PDE4B: variants seen among roughly 807,000 people sequenced by gnomAD.
PDE4B encodes 3',5'-cyclic-AMP phosphodiesterase 4B.
A neutral mutation model predicts 82.2 loss-of-function variants in PDE4B; 20 were observed. That is an observed-to-expected ratio of 0.24 (90% confidence interval 0.17 to 0.35). PDE4B has a LOEUF of 0.35. Ranked by LOEUF, PDE4B falls within the 10% of genes least tolerant of loss-of-function variation. The probability of loss-of-function intolerance (pLI) is 1.00; values close to 1 mark genes in which losing one functional copy is unlikely to be tolerated. For synonymous variants in PDE4B, 320 were observed against 318.9 expected (o/e 1.00, Z -0.04); for missense variants, 655 against 907.2 (o/e 0.72, Z 3.57).
chr1:66,202,743 C>G (rs570872858), intron 3 of PDE4B, among the ~76,000 whole-genome samples: 1 of 152,034 alleles, frequency 6.6e-6, no homozygotes, highest in Non-Finnish European at 1.5e-5. Flanking sequence ...ACGTGTGTCT[C>G]GGCACGTGAG....
chr1:65,829,328 G>T (rs897913795), intron 1 of PDE4B, among the ~76,000 whole-genome samples: 1 of 152,082 alleles, frequency 6.6e-6, no homozygotes, highest in African/African-American at 2.4e-5. Flanking sequence ...TACCAGATTT[G>T]AAAGAGATAG....
chr1:65,880,330 T>C (rs561878672), intron 1 of PDE4B, among the ~76,000 whole-genome samples: 71 of 152,318 alleles, frequency 4.7e-4, no homozygotes, highest in African/African-American at 1.6e-3. Context: ...TAGAAAAGTA[T>C]TTCCATGCTT....
chr1:66,177,646 G>C (rs1472690928), intron 3 of PDE4B, among the ~76,000 whole-genome samples: 1 of 152,178 alleles, frequency 6.6e-6, no homozygotes, highest in Non-Finnish European at 1.5e-5. Context: ...TAAGCTGCAG[G>C]CAGGAAAAGT....
At chr1:65,944,809 G>C (rs1291843171) in intron 3 of PDE4B, among the ~76,000 whole-genome samples, 1 of 151,816 alleles carries the variant, frequency 6.6e-6, no homozygotes, top group African/African-American at 2.4e-5. Context: ...TTTCCCCATA[G>C]GCCCTATGAA....
intron 3 of PDE4B, among the ~76,000 whole-genome samples, chr1:66,068,669 A>G (rs573178438): frequency 6.6e-6 from 1 of 152,028 alleles, no homozygotes; most frequent in South Asian, 2.1e-4. Flanking sequence ...TCATTTAAAT[A>G]TAATCGCTCA....
chr1:66,071,457 C>T (rs1197248965), intron 3 of PDE4B, among the ~76,000 whole-genome samples: 1 of 152,070 alleles, frequency 6.6e-6, no homozygotes, highest in African/African-American at 2.4e-5. Flanking sequence ...TTAAAGTTCC[C>T]TTTGAAGAGT....
In PDE4B at chr1:66,374,478, T is replaced by G. The variant is rs951958173; in HGVS notation, c.*1800T>G. On this transcript the variant is annotated 3_prime_UTR_variant, in exon 17 of 17. Coordinates refer to ENST00000341517, the MANE Select transcript of PDE4B (RefSeq NM_002600.4). Reference sequence around the variant, plus strand: ...TGGACATTTTATCATTTTCAAATGTTTCTCACAATGTATGTTATAGTATTA... The same window carrying G: ...TGGACATTTTATCATTTTCAAATGTGTCTCACAATGTATGTTATAGTATTA... The G allele has an allele frequency of 6.6e-6, 1 of 152,670 alleles. No individual in the cohort carries two copies. Among genetic ancestry groups the G allele is most frequent in the Non-Finnish European group, 1.5e-5 (1 of 68,042 alleles). 9.5% of individuals were successfully genotyped at this position (152,670 alleles called of 1,614,324 possible). A position where few individuals can be genotyped will look rare whatever the true frequency, so the allele number is the denominator to read the frequency against.
chr1:65,943,758 A>G (rs574005514), intron 3 of PDE4B, among the ~76,000 whole-genome samples: 1 of 151,964 alleles, frequency 6.6e-6, no homozygotes, highest in South Asian at 2.1e-4. Flanking sequence ...GGTATTGTAA[A>G]TGGGATTGTT....
intron 3 of PDE4B, among the ~76,000 whole-genome samples, chr1:66,033,176 T>C (rs1653884315): frequency 6.6e-6 from 1 of 152,212 alleles, no homozygotes; most frequent in Non-Finnish European, 1.5e-5. Flanking sequence ...TATGTGTTTA[T>C]GTATGTGGTT....
Position 66,247,430 on chromosome 1 carries a change from G to A in PDE4B, c.282-30G>A, listed in dbSNP as rs988039499. ...ATGTGTCCTCCTCCATGGTTATCAT[G>A]TGACCAGAGTTTCCCACTTTCTCTT... On this transcript the variant is annotated intron_variant, in intron 3 of 16. Transcript: ENST00000341517. 4 of 1,504,130 alleles carry A rather than the reference G, an allele frequency of 2.7e-6. No individual in the cohort carries two copies. In the Admixed American group the frequency reaches 6.3e-5, roughly 24 times the overall value. The allele number at this position is 1,504,130 out of a possible 1,614,324, so 93.2% of individuals were successfully genotyped here.
At chr1:66,315,505 G>A (rs1347058354) in intron 7 of PDE4B, among the ~76,000 whole-genome samples, 1 of 152,084 alleles carries the variant, frequency 6.6e-6, no homozygotes, top group Non-Finnish European at 1.5e-5. Context: ...ACCCAGGCTG[G>A]AGTGCAGTGG....
chr1:65,852,048 C>G (rs1019178525), intron 1 of PDE4B, among the ~76,000 whole-genome samples: 3 of 152,002 alleles, frequency 2.0e-5, no homozygotes, highest in Non-Finnish European at 4.4e-5. Flanking sequence ...ATCAGCCTTA[C>G]ATCTCTAGGA....
chr1:66,311,575 G>A (rs977237602), intron 7 of PDE4B, among the ~76,000 whole-genome samples: 4 of 152,234 alleles, frequency 2.6e-5, no homozygotes, highest in Admixed American at 6.5e-5. Context: ...GGTAGCTTGA[G>A]AGAACTTCTG....
At chr1:66,008,145 G>A (rs1652257180) in intron 3 of PDE4B, among the ~76,000 whole-genome samples, 1 of 152,032 alleles carries the variant, frequency 6.6e-6, no homozygotes, top group African/African-American at 2.4e-5. Flanking sequence ...GGTTTAATTT[G>A]GGGAGAATAA....
chr1:66,146,173 C>CGTT (rs1646265104), intron 3 of PDE4B, among the ~76,000 whole-genome samples: 1 of 49,230 alleles, frequency 2.0e-5, no homozygotes, highest in Non-Finnish European at 3.6e-5. Context: ...GGGTAGCATG[C>CGTT]TTTTTTTTTT....
intron 3 of PDE4B, among the ~76,000 whole-genome samples, chr1:66,181,253 T>C (rs1293210621): frequency 2.6e-5 from 4 of 152,222 alleles, no homozygotes; most frequent in Non-Finnish European, 5.9e-5. Flanking sequence ...ACAAAACTTA[T>C]TGTTTAAATC....
intron 3 of PDE4B, among the ~76,000 whole-genome samples, chr1:65,986,588 T>C (rs1937432): frequency 0.063 from 9,520 of 152,282 alleles, 351 homozygotes; most frequent in Middle Eastern, 0.2. Context: ...TGATCCCTCC[T>C]CCTTTGTCTT....
intron 7 of PDE4B, among the ~76,000 whole-genome samples, chr1:66,289,510 CTTG>C: frequency 6.6e-6 from 1 of 151,874 alleles, no homozygotes. Context: ...ATTCAAAGGT[CTTG>C]AGAAAGGTAT....
intron 6 of PDE4B, among the ~76,000 whole-genome samples, 177 bp from the exon 7 acceptor site, chr1:66,265,861 G>A (rs1348754641): frequency 6.6e-6 from 1 of 152,182 alleles, no homozygotes; most frequent in Non-Finnish European, 1.5e-5. Flanking sequence ...CTGGATGTGA[G>A]AGAATTGCAG....
Sources: gnomAD v4.1 joint callset for allele counts (sites outside exome capture counted in the v4.1 genomes callset) on GRCh38, gnomAD v4.1.1 for gene constraint, MANE v1.5 for transcripts, NCBI Gene and HGNC (gene_info 2026-07-23, HGNC 2026-07-21) for gene names.